The following MYH2 variants were observed in gnomAD, a reference collection of about 807,000 sequenced individuals.
MYH2 encodes myosin heavy chain 2.
Under a neutral mutation model 228.1 loss-of-function variants are expected in MYH2, and 139 were observed. The ratio of observed to expected loss-of-function variants is 0.61; its 90% CI spans 0.53 to 0.70. MYH2 has a LOEUF of 0.70. Among genes scored for constraint, MYH2 ranks in the 30% least tolerant of loss-of-function variants. The pLI, the probability that MYH2 is intolerant of heterozygous loss-of-function variation, is 0.00. For missense variants in MYH2, 1,809 were observed against 2,357.5 expected (o/e 0.77, Z 4.82); for synonymous variants, 796 against 871.1 (o/e 0.91, Z 1.52).
chr17:10,543,293 G>A, intron 8 of MYH2, 132 bp from the exon 9 acceptor site: 1 of 690,238 alleles, frequency 1.4e-6, no homozygotes. Flanking sequence ...AGAAAAAGGT[G>A]TATCTCCTAT....
intron 21 of MYH2, 109 bp downstream of exon 21, chr17:10,533,176 T>A: frequency 6.7e-7 from 1 of 1,486,626 alleles, no homozygotes; most frequent in Non-Finnish European, 9.3e-7. Flanking sequence ...ATTATAGGAC[T>A]CTTATTCATT....
At position 10,529,633 on chromosome 17, in the gene MYH2, C is replaced by T. The variant is rs145796634; in HGVS notation, c.3048G>A (p.Leu1016=). The part of the protein sequence containing the change: ...QEAHQQTLDD[L]QAEEDKVNTL... ...TGTTGACTTTGTCCTCCTCTGCCTGCAGGTCATCCAGGGTCTGCTGGTGGG... is the reference window on the plus strand; with the variant it reads ...TGTTGACTTTGTCCTCCTCTGCCTGTAGGTCATCCAGGGTCTGCTGGTGGG... The change falls in exon 24 of 40, where the codon CTG becomes CTA. Residue 1016 remains leucine (L), a synonymous_variant. Coordinates refer to ENST00000245503, the MANE Select transcript of MYH2 (RefSeq NM_017534.6). 7.7e-4 allele frequency: 1,243 copies of T among 1,614,140 alleles called. 3 individuals carry two copies. Among genetic ancestry groups the T allele is most frequent in the Middle Eastern group, 5.4e-3 (33 of 6,062 alleles).
At chr17:10,540,829 C>A in intron 10 of MYH2, 132 bp from the exon 11 acceptor site, 1 of 695,712 alleles carries the variant, frequency 1.4e-6, no homozygotes. Flanking sequence ...CCGGCTGAAG[C>A]CATGGTGGAA....
intron 2 of MYH2, among the ~76,000 whole-genome samples, chr17:10,548,497 A>T (rs1172903011): frequency 6.6e-6 from 1 of 152,210 alleles, no homozygotes; most frequent in African/African-American, 2.4e-5. Context: ...TTACCTGTTC[A>T]GCCAGATTTG....
At chr17:10,545,037 A>G (rs1004628784) in intron 5 of MYH2, among the ~76,000 whole-genome samples, 9 of 83,226 alleles carry the variant, frequency 1.1e-4, no homozygotes, top group Non-Finnish European at 2.4e-4. Context: ...GTGTGTATAT[A>G]TACATACACA....
intron 28 of MYH2, among the ~76,000 whole-genome samples, chr17:10,527,518 T>C (rs1443035245): frequency 1.3e-5 from 2 of 152,226 alleles, no homozygotes; most frequent in Non-Finnish European, 2.9e-5. Flanking sequence ...ATCCTCGCAA[T>C]GAGCAAATAC....
intron 21 of MYH2, among the ~76,000 whole-genome samples, chr17:10,533,029 T>C (rs1567731826): frequency 1.3e-5 from 2 of 152,200 alleles, no homozygotes; most frequent in Non-Finnish European, 2.9e-5. Flanking sequence ...AGTTTGCTTC[T>C]GCTTACTCAC....
In MYH2 at chr17:10,544,084, C is replaced by T. The variant is rs938636118; in HGVS notation, c.533+16G>A. On this transcript the variant is annotated intron_variant, in intron 6 of 39. Transcript: ENST00000245503. ...AGCTATCACAGCCATGTAAAGAAAGCATAAAATCTACTTACGTGATCAGGA... is the reference window on the plus strand; with the variant it reads ...AGCTATCACAGCCATGTAAAGAAAGTATAAAATCTACTTACGTGATCAGGA... The T allele has an allele frequency of 2.5e-6, 4 of 1,614,016 alleles. No individual in the cohort carries two copies. Among genetic ancestry groups the T allele is most frequent in the African/African-American group, 2.7e-5 (2 of 74,936 alleles).
intron 27 of MYH2, 21 bp from the exon 28 acceptor site, chr17:10,527,895 G>A (rs2073373598): frequency 6.2e-7 from 1 of 1,610,236 alleles, no homozygotes; most frequent in African/African-American, 1.3e-5. Flanking sequence ...AAAAGTAAAA[G>A]AAGAAAACAG....
At position 10,540,025 on chromosome 17, in the gene MYH2, G is replaced by C; in HGVS notation, c.1050C>G (p.Val350=). Residue 350 remains valine (V), a synonymous_variant, in exon 12 of 40, where the codon GTC becomes GTG. Coordinates refer to ENST00000245503, the MANE Select transcript of MYH2 (RefSeq NM_017534.6). The stretch of plus-strand genomic sequence containing the variant: ...CAGCCCCCGTGAGCTTGTAAATGGA[G>C]ACCTTTTCTTCATTAGTAAAGCCCA... The part of the protein sequence containing the change: ...DILGFTNEEK[V]SIYKLTGAVM... 2 of 1,613,980 alleles carry C rather than the reference G, an allele frequency of 1.2e-6. No homozygotes were observed. Among genetic ancestry groups the C allele is most frequent in the Non-Finnish European group, 1.7e-6 (2 of 1,179,970 alleles).
In MYH2 at chr17:10,524,478, T is replaced by G. The variant is rs1126601; in HGVS notation, c.5163A>C (p.Leu1721=). The G allele has an allele frequency of 1.2e-6, 2 of 1,614,138 alleles. No individual in the cohort carries two copies. Among genetic ancestry groups the G allele is most frequent in the South Asian group, 2.2e-5 (2 of 91,082 alleles). Reference sequence around the variant, plus strand: ...TGCTGAATCCCACCTGGGTGTGCAGTAGCTGAACACGCTCACTGGCATCCA... The same window carrying G: ...TGCTGAATCCCACCTGGGTGTGCAGGAGCTGAACACGCTCACTGGCATCCA... ...ELLDASERVQ[L]LHTQNTSLIN... The change falls in exon 35 of 40, where the codon CTA becomes CTC. Residue 1721 remains leucine (L), a synonymous_variant. Transcript: ENST00000245503. The surrounding 1 kb of genome is among the most constrained non-coding windows in gnomAD (Gnocchi z 4.7).
chr17:10,537,520 A>T lies in MYH2; in HGVS notation c.1610T>A (p.Leu537Gln). The change falls in exon 16 of 40, where the codon CTG becomes CAG. Residue 537 changes from leucine to glutamine, a missense_variant. Physicochemically the swap from Leu to Gln is moderately radical, Grantham distance 113 (BLOSUM62 -2). This residue lies in a region of MYH2 where 373 missense variants were observed against 620.4 expected (regional missense o/e 0.60). Coordinates refer to ENST00000245503, the MANE Select transcript of MYH2 (RefSeq NM_017534.6). This position sits in a 1 kb window ranked among gnomAD's most constrained non-coding sequence, Gnocchi z 4.0. ...IEKPMGIFSI[L>Q]EEECMFPKAT... ...CTTAGGGAACATGCACTCCTCTTCC[A>T]GGATGGAGAAGATGCCCATAGGCTA... 1 of 1,614,250 alleles carries T rather than the reference A, an allele frequency of 6.2e-7. No homozygotes were observed.
intron 11 of MYH2, 127 bp from the exon 12 acceptor site, chr17:10,540,193 T>C (rs2073533637): frequency 7.6e-7 from 1 of 1,312,048 alleles, no homozygotes; most frequent in Non-Finnish European, 1.1e-6. Flanking sequence ...CCCCTTAGAT[T>C]GGGTATATAG....
rs886052567 is a variant in MYH2, at chr17:10,533,395, C to T, written c.2331G>A (p.Gly777=). The change falls in exon 21 of 40, where the codon GGG becomes GGA. Residue 777 remains glycine (G), a synonymous_variant. Transcript: ENST00000245503. ...TGTCATCTCGCATCTCCTCTAGGAGCCCCAGAAGACCAGCTTTGAAAAAGA... is the reference window on the plus strand; with the variant it reads ...TGTCATCTCGCATCTCCTCTAGGAGTCCCAGAAGACCAGCTTTGAAAAAGA... ...TKVFFKAGLL[G]LLEEMRDDKL... The T allele has an allele frequency of 6.2e-7, 1 of 1,614,178 alleles. No individual in the cohort carries two copies.
Position 10,545,438 on chromosome 17 carries a change from T to TCGGG in MYH2, c.409_412dup (p.Glu138AlafsTer24). The TCGGG allele has an allele frequency of 6.2e-7, 1 of 1,614,132 alleles. No homozygotes were observed. The highest frequency in any genetic ancestry group is 8.5e-7 in the Non-Finnish European group (1 of 1,180,010). ...TTTGCCTCGGTAGGCTGTCACCACC[T>TCGGG]CGGGCTTATACACAGGCAGCCACTT... On this transcript the variant is annotated frameshift_variant, in exon 5 of 40. Coordinates refer to ENST00000245503, the MANE Select transcript of MYH2 (RefSeq NM_017534.6). LOFTEE classifies it high-confidence loss of function.
chr17:10,546,288 T>TATATATATATATAC (rs1384958740), intron 4 of MYH2, among the ~76,000 whole-genome samples: 3 of 136,954 alleles, frequency 2.2e-5, no homozygotes, highest in East Asian at 2.1e-4. Context: ...TATATATATA[T>TATATATATATATAC]ACATCATGAT....
At chr17:10,534,122 A>G (rs560723934) in intron 19 of MYH2, among the ~76,000 whole-genome samples, 1 of 152,200 alleles carries the variant, frequency 6.6e-6, no homozygotes, top group Admixed American at 6.5e-5. Flanking sequence ...GGGAGAGATC[A>G]GCTCCTAGCA....
intron 5 of MYH2, among the ~76,000 whole-genome samples, 170 bp downstream of exon 5, chr17:10,545,176 C>T (rs549706288): frequency 9.9e-5 from 15 of 152,264 alleles, no homozygotes; most frequent in East Asian, 5.8e-4. Context: ...TGTAATATTA[C>T]GCATTACAAA....
rs1555571267 is a variant in MYH2, at chr17:10,537,338, C to T, written c.1792G>A (p.Glu598Lys). 1 of 1,614,206 alleles carries T rather than the reference C, an allele frequency of 6.2e-7. No homozygotes were observed. The highest frequency in any genetic ancestry group is 8.5e-7 in the Non-Finnish European group (1 of 1,180,036). ...TCATTCAGGGGGTCCTTGTTCTTCTCCAGCCAGCCAGTAATGTTGTAGTCC... is the reference window on the plus strand; with the variant it reads ...TCATTCAGGGGGTCCTTGTTCTTCTTCAGCCAGCCAGTAATGTTGTAGTCC... Reference protein sequence around the residue: ...VVDYNITGWLEKNKDPLNETV... With the variant: ...VVDYNITGWLKKNKDPLNETV... The change falls in exon 16 of 40, where the codon GAG becomes AAG. Residue 598 changes from glutamate (E) to lysine (K), a missense_variant. Glu to Lys is a moderately conservative substitution (Grantham distance 56). This residue lies in a region of MYH2 where 41 missense variants were observed against 35.1 expected (regional missense o/e 1.17). Transcript: ENST00000245503. This position sits in a 1 kb window ranked among gnomAD's most constrained non-coding sequence, Gnocchi z 4.0.
Sources: allele counts gnomAD v4.1 joint callset (sites outside exome capture counted in the v4.1 genomes callset), GRCh38; gene constraint gnomAD v4.1.1; regional missense constraint gnomAD v4.1.1; non-coding constraint Gnocchi (gnomAD v3.1); transcripts MANE v1.5; gene names NCBI Gene and HGNC (gene_info 2026-07-23, HGNC 2026-07-21).